The following MKLN1 variants were observed in gnomAD, a reference collection of about 807,000 sequenced individuals.
MKLN1 encodes the protein muskelin.
A neutral mutation model predicts 99.0 loss-of-function variants in MKLN1; 18 were observed. The ratio of observed to expected loss-of-function variants is 0.18; its 90% CI spans 0.13 to 0.27. The LOEUF is 0.27. Among genes scored for constraint, MKLN1 ranks in the 10% least tolerant of loss-of-function variants. The pLI, the probability that MKLN1 is intolerant of heterozygous loss-of-function variation, is 1.00. For missense variants in MKLN1, 621 were observed against 875.9 expected (o/e 0.71, Z 3.67); for synonymous variants, 288 against 293.2 (o/e 0.98, Z 0.18).
intron 3 of MKLN1, among the ~76,000 whole-genome samples, chr7:131,263,968 A>G (rs1395256707): frequency 1.3e-5 from 2 of 152,182 alleles, no homozygotes; most frequent in African/African-American, 4.8e-5. Context: ...TTTATCCTGT[A>G]TAAAGGATAA....
intron 4 of MKLN1, among the ~76,000 whole-genome samples, chr7:131,390,991 A>T (rs1265083617): frequency 6.6e-6 from 1 of 152,074 alleles, no homozygotes; most frequent in Non-Finnish European, 1.5e-5. Flanking sequence ...AGTATGTCTT[A>T]CTTTTCTCTT....
intron 6 of MKLN1, among the ~76,000 whole-genome samples, chr7:131,402,246 A>C (rs1794570245): frequency 6.6e-6 from 1 of 152,206 alleles, no homozygotes; most frequent in African/African-American, 2.4e-5. Flanking sequence ...TCAAGAAACC[A>C]CTTTATTTGC....
chr7:131,415,731 C>T (rs906558752), intron 8 of MKLN1, among the ~76,000 whole-genome samples: 1 of 151,740 alleles, frequency 6.6e-6, no homozygotes, highest in Non-Finnish European at 1.5e-5. Flanking sequence ...TTTTTTTCTG[C>T]CTGAGAGTAT....
At chr7:131,308,120 C>G (rs537951654) in intron 3 of MKLN1, among the ~76,000 whole-genome samples, 1 of 152,298 alleles carries the variant, frequency 6.6e-6, no homozygotes, top group South Asian at 2.1e-4. Context: ...CTGGATCTCT[C>G]TCTCCTCCTG....
At chr7:131,180,516 T>C (rs957792414) in intron 2 of MKLN1, among the ~76,000 whole-genome samples, 11 of 152,012 alleles carry the variant, frequency 7.2e-5, no homozygotes, top group Non-Finnish European at 1.6e-4. Context: ...ATGGCCAACA[T>C]GGTGAAACTC....
intron 15 of MKLN1, among the ~76,000 whole-genome samples, chr7:131,468,526 A>G (rs1796721512): frequency 6.6e-6 from 1 of 152,224 alleles, no homozygotes; most frequent in African/African-American, 2.4e-5. Flanking sequence ...GAAGGAGGGA[A>G]AGAAGTATAT....
At position 131,283,629 on chromosome 7, in the gene MKLN1, T is replaced by G. The variant is rs182965612; in HGVS notation, c.-179+80655T>G. 7.2e-5 allele frequency among the ~76,000 whole-genome samples: 11 copies of G among 152,022 alleles called. No individual in the cohort carries two copies. The East Asian group carries it at 2.1e-3, about 29-fold the overall frequency. On this transcript the variant is annotated intron_variant, in intron 3 of 7. Transcript: ENST00000416992. ...TTTGTATTTTTTGTAGAAACAGGGTTTCATGATGTTGCTCAGGCTGGTCTA... is the reference window on the plus strand; with the variant it reads ...TTTGTATTTTTTGTAGAAACAGGGTGTCATGATGTTGCTCAGGCTGGTCTA...
At chr7:131,188,206 T>A (rs1206453865) in intron 2 of MKLN1, among the ~76,000 whole-genome samples, 2 of 152,252 alleles carry the variant, frequency 1.3e-5, no homozygotes, top group Admixed American at 1.3e-4. Context: ...GATTGGCTTT[T>A]GAATTTGGCT....
chr7:131,166,807 TC>T (rs1284755399), intron 2 of MKLN1, among the ~76,000 whole-genome samples: 3 of 152,134 alleles, frequency 2.0e-5, no homozygotes, highest in Non-Finnish European at 4.4e-5. Context: ...TGCCTCAGCC[TC>T]CCCAATAGCT....
chr7:131,463,199 T>G lies in MKLN1; in HGVS notation c.1526-18T>G. 1 of 1,579,030 alleles carries G rather than the reference T, an allele frequency of 6.3e-7. No individual in the cohort carries two copies. The highest frequency in any genetic ancestry group is 8.7e-7 in the Non-Finnish European group (1 of 1,153,888). On this transcript the variant is annotated intron_variant, in intron 12 of 17. Transcript: ENST00000352689. ...CTAATGTGAATATTTTCATCTTATT[T>G]TTTTCTTTAATTTGTAGTTCCAATG...
At chr7:131,156,134 G>A (rs1037748106) in intron 2 of MKLN1, among the ~76,000 whole-genome samples, 9 of 151,998 alleles carry the variant, frequency 5.9e-5, no homozygotes, top group African/African-American at 1.9e-4. Context: ...AAGTCATTGC[G>A]GGTTTTGCTA....
At chr7:131,263,228 C>T (rs536229012) in intron 3 of MKLN1, among the ~76,000 whole-genome samples, 1 of 151,618 alleles carries the variant, frequency 6.6e-6, no homozygotes, top group Admixed American at 6.6e-5. Context: ...TTTTTAAGAC[C>T]GGGCATGGTG....
In MKLN1 at chr7:131,152,646, C is replaced by T. The variant is rs116918667; in HGVS notation, c.-297+9705C>T. On this transcript the variant is annotated intron_variant, in intron 2 of 7. Transcript: ENST00000416992. ...TCCCGAGTAGCTGAGATTACAGGCA[C>T]GCTCCACCATGCTCGGCTAATTTTT... Among the ~76,000 whole-genome samples, 899 of 151,816 alleles carry T rather than the reference C, an allele frequency of 5.9e-3. 52 individuals carry two copies. In the East Asian group the frequency reaches 0.13, roughly 22 times the overall value.
At chr7:131,145,956 G>C (rs767089956) in intron 2 of MKLN1, among the ~76,000 whole-genome samples, 12 of 152,224 alleles carry the variant, frequency 7.9e-5, no homozygotes, top group Non-Finnish European at 1.6e-4. Context: ...GAATAGATTT[G>C]TTTATAATAG....
rs1797315117 is a variant in MKLN1, at chr7:131,487,533, G to A, written c.2087-74G>A. 1 of 1,495,890 alleles carries A rather than the reference G, an allele frequency of 6.7e-7. No homozygotes were observed. The highest frequency in any genetic ancestry group is 1.4e-5 in the African/African-American group (1 of 71,278). The allele number at this position is 1,495,890 out of a possible 1,614,324, so 92.7% of individuals were successfully genotyped here. ...TGATTTCTCCATTATAAAATACATT[G>A]CTGCTGGTCTCAACTAGTTTTTCTG... On this transcript the variant is annotated intron_variant, in intron 17 of 17. Transcript: ENST00000352689. This position sits in a 1 kb window ranked among gnomAD's most constrained non-coding sequence, Gnocchi z 4.7.
chr7:131,476,329 A>G (rs1480072088), intron 16 of MKLN1, among the ~76,000 whole-genome samples: 2 of 152,174 alleles, frequency 1.3e-5, no homozygotes, highest in African/African-American at 4.8e-5. Context: ...TAAAAAACAT[A>G]TAGATTGGAT....
intron 12 of MKLN1, among the ~76,000 whole-genome samples, chr7:131,446,416 T>G (rs1484180498): frequency 6.6e-6 from 1 of 152,238 alleles, no homozygotes; most frequent in Non-Finnish European, 1.5e-5. Flanking sequence ...CCATTCATTT[T>G]CAAAAGTGTC....
At chr7:131,370,192 T>C (rs761242492) in intron 1 of MKLN1, among the ~76,000 whole-genome samples, 4 of 152,202 alleles carry the variant, frequency 2.6e-5, no homozygotes, top group Non-Finnish European at 5.9e-5. Context: ...CTGATGGATA[T>C]TCAGTTGTGC....
intron 1 of MKLN1, among the ~76,000 whole-genome samples, chr7:131,344,064 A>G (rs1799485596): frequency 6.6e-6 from 1 of 152,218 alleles, no homozygotes; most frequent in Admixed American, 6.5e-5. Flanking sequence ...GATTCAATTT[A>G]TATTTTAAAA....
Sources: gnomAD v4.1 joint callset for allele counts (sites outside exome capture counted in the v4.1 genomes callset) on GRCh38, gnomAD v4.1.1 for gene constraint, Gnocchi (gnomAD v3.1) non-coding constraint, MANE v1.5 for transcripts, NCBI Gene and HGNC (gene_info 2026-07-23, HGNC 2026-07-21) for gene names.